Variants in TPST2 observed in about 807,000 individuals in gnomAD.
TPST2 encodes the protein tyrosylprotein sulfotransferase 2.
TPST2 carries 16 observed loss-of-function variants against 27.8 expected under a neutral mutation model. That is an observed-to-expected ratio of 0.58 (90% CI 0.39 to 0.88). TPST2 has a LOEUF of 0.88. Among genes scored for constraint, TPST2 ranks in the 40% least tolerant of loss-of-function variants. The probability of loss-of-function intolerance (pLI) is 0.00; values close to 1 mark genes in which losing one functional copy is unlikely to be tolerated. For synonymous variants in TPST2, 229 were observed against 231.7 expected (o/e 0.99, Z 0.10); for missense variants, 464 against 543.1 (o/e 0.85, Z 1.45).
At chr22:26,554,954 C>T (rs565049396) in intron 1 of TPST2, among the ~76,000 whole-genome samples, 3 of 152,326 alleles carry the variant, frequency 2.0e-5, no homozygotes, top group South Asian at 2.1e-4. Flanking sequence ...AATAAACTCA[C>T]ATAAAGCACT....
chr22:26,554,559 T>G (rs953533478), intron 1 of TPST2, among the ~76,000 whole-genome samples: 2 of 152,116 alleles, frequency 1.3e-5, no homozygotes, highest in African/African-American at 4.8e-5. Context: ...CAGCCCTGGG[T>G]TGGGGGTCAG....
At chr22:26,574,693 A>T (rs1927762944) in intron 1 of TPST2, among the ~76,000 whole-genome samples, 1 of 152,160 alleles carries the variant, frequency 6.6e-6, no homozygotes, top group Non-Finnish European at 1.5e-5. Context: ...AGCAGAAACG[A>T]GGAAAAGGCG....
chr22:26,571,974 G>A (rs959421167), intron 1 of TPST2, among the ~76,000 whole-genome samples: 3 of 152,088 alleles, frequency 2.0e-5, no homozygotes, highest in Admixed American at 6.5e-5. Flanking sequence ...TGTCACCCCC[G>A]CCTTCACTAT....
intron 1 of TPST2, among the ~76,000 whole-genome samples, chr22:26,579,007 T>C (rs944980259): frequency 1.3e-5 from 2 of 151,972 alleles, no homozygotes; most frequent in Non-Finnish European, 2.9e-5. Flanking sequence ...TGCACCACCA[T>C]GCCCGGCTGA....
At chr22:26,538,381 G>A (rs765354304) in intron 3 of TPST2, among the ~76,000 whole-genome samples, 1 of 152,258 alleles carries the variant, frequency 6.6e-6, no homozygotes, top group Non-Finnish European at 1.5e-5. Context: ...TTATGGTGCA[G>A]AAATGAGGTG....
chr22:26,542,424 G>A (rs934930321), intron 2 of TPST2, among the ~76,000 whole-genome samples: 16 of 151,174 alleles, frequency 1.1e-4, no homozygotes, highest in African/African-American at 2.9e-4. Flanking sequence ...TGATCCTCCC[G>A]CCTCAGCCTC....
rs1352863902 is a variant in TPST2, at chr22:26,541,678, G to A, written c.-48C>T. On this transcript the variant is annotated 5_prime_UTR_variant, in exon 3 of 7. Transcript: ENST00000338754. The surrounding 1 kb of genome is among the most constrained non-coding windows in gnomAD (Gnocchi z 5.9). ...CCTGGCCTGAGGGCCCGCTTCTGGG[G>A]CTTCAGCGACAGGTTAGCGGGCAGC... is the stretch of plus-strand genomic sequence containing the variant. 6.6e-7 allele frequency: 1 copy of A among 1,506,760 alleles called. No homozygotes were observed. Among genetic ancestry groups the A allele is most frequent in the Non-Finnish European group, 8.8e-7 (1 of 1,134,592 alleles). The allele number at this position is 1,506,760 out of a possible 1,614,324, so 93.3% of individuals were successfully genotyped here.
chr22:26,580,806 G>A (rs7284288), intron 1 of TPST2, among the ~76,000 whole-genome samples: 50,761 of 151,866 alleles, frequency 0.33, 8,979 homozygotes, highest in Admixed American at 0.43. Context: ...CTAAAGACGC[G>A]TTAGCACCTA....
At chr22:26,532,666 A>T (rs533200963) in intron 5 of TPST2, 29 bp downstream of exon 5, 1 of 1,611,574 alleles carries the variant, frequency 6.2e-7, no homozygotes, top group African/African-American at 1.3e-5. Flanking sequence ...AGAAAGACAG[A>T]ATTCGGAATT....
chr22:26,566,195 T>C (rs891962968), intron 1 of TPST2, among the ~76,000 whole-genome samples: 3 of 152,092 alleles, frequency 2.0e-5, no homozygotes, highest in Non-Finnish European at 4.4e-5. Flanking sequence ...GGCAGGCAGA[T>C]TACCTGAGGT....
At chr22:26,551,044 G>A (rs1472466352) in intron 1 of TPST2, among the ~76,000 whole-genome samples, 2 of 152,188 alleles carry the variant, frequency 1.3e-5, no homozygotes, top group Non-Finnish European at 1.5e-5. Context: ...CTATAATCCC[G>A]GCACTTTGGG....
intron 1 of TPST2, among the ~76,000 whole-genome samples, chr22:26,559,739 A>G (rs1358635309): frequency 6.6e-6 from 1 of 152,248 alleles, no homozygotes; most frequent in Non-Finnish European, 1.5e-5. Flanking sequence ...TTGCATTAAA[A>G]TATTATCTTG....
In TPST2 at chr22:26,554,506, A is replaced by G. The variant is rs181563395; in HGVS notation, c.-160-9831T>C. Among the ~76,000 whole-genome samples, 20 of 152,328 alleles carry G rather than the reference A, an allele frequency of 1.3e-4. No homozygotes were observed. In the East Asian group the frequency reaches 3.9e-3, roughly 29 times the overall value. ...AGCTGTCAGAGGTAGGGGACTGAGC[A>G]TAGGGGCAGGAATCCTCCACACCTG... On this transcript the variant is annotated intron_variant, in intron 1 of 6. Transcript: ENST00000338754.
intron 1 of TPST2, among the ~76,000 whole-genome samples, chr22:26,556,339 G>C (rs1249281069): frequency 2.0e-5 from 3 of 152,220 alleles, no homozygotes; most frequent in East Asian, 3.9e-4. Flanking sequence ...AGGAGTTCAA[G>C]ACCAGCCTGG....
In TPST2 at chr22:26,563,308, G is replaced by A. The variant is rs555055870; in HGVS notation, c.-160-18633C>T. ...CACATCAACATGCAACACCTTGATG[G>A]ACCTCCTTCCCTCCCTCTTCTTCTT... is the stretch of plus-strand genomic sequence containing the variant. On this transcript the variant is annotated intron_variant, in intron 1 of 6. Coordinates refer to ENST00000338754, the MANE Select transcript of TPST2 (RefSeq NM_003595.5). Among the ~76,000 whole-genome samples, 16 of 150,906 alleles carry A rather than the reference G, an allele frequency of 1.1e-4. No individual in the cohort carries two copies. In the East Asian group the frequency reaches 3.1e-3, roughly 30 times the overall value.
chr22:26,529,841 G>A (rs1272172339), intron 5 of TPST2, among the ~76,000 whole-genome samples: 1 of 151,932 alleles, frequency 6.6e-6, no homozygotes, highest in Non-Finnish European at 1.5e-5. Flanking sequence ...GTAGGGAGAT[G>A]GGGTCTCACT....
chr22:26,570,579 G>T (rs1055967405), intron 1 of TPST2, among the ~76,000 whole-genome samples: 1 of 152,148 alleles, frequency 6.6e-6, no homozygotes, highest in Non-Finnish European at 1.5e-5. Context: ...CAGTTCAGGA[G>T]ATACTAGCGC....
rs1012609137 is a variant in TPST2, at chr22:26,560,619, C to G, written c.-160-15944G>C. The G allele has an allele frequency of 9.4e-6, 12 of 1,279,232 alleles. No individual in the cohort carries two copies. In the African/African-American group the frequency reaches 1.6e-4, roughly 17 times the overall value. 79.2% of individuals were successfully genotyped at this position (1,279,232 alleles called of 1,614,324 possible). A position where few individuals can be genotyped will look rare whatever the true frequency, so the allele number is the denominator to read the frequency against. On this transcript the variant is annotated intron_variant, in intron 1 of 6. Coordinates refer to ENST00000338754, the MANE Select transcript of TPST2 (RefSeq NM_003595.5). ...TCGGGAGGCGCATAAGAAGAAGCAC[C>G]CAGATGCTTCAGTCAACCTCTCAGA... is the stretch of plus-strand genomic sequence containing the variant.
intron 1 of TPST2, among the ~76,000 whole-genome samples, chr22:26,551,334 C>T (rs1926457223): frequency 6.6e-6 from 1 of 152,082 alleles, no homozygotes; most frequent in South Asian, 2.1e-4. Context: ...AGACTTAGAG[C>T]CCTTATTATA....
Sources: allele counts gnomAD v4.1 joint callset (sites outside exome capture counted in the v4.1 genomes callset), GRCh38; gene constraint gnomAD v4.1.1; non-coding constraint Gnocchi (gnomAD v3.1); transcripts MANE v1.5; gene names NCBI Gene and HGNC (gene_info 2026-07-23, HGNC 2026-07-21).